CFAP410: variants seen among roughly 807,000 people sequenced by gnomAD.
CFAP410 encodes cilia and flagella associated protein 410.
CFAP410 carries 27 observed loss-of-function variants against 25.7 expected under a neutral mutation model. The observed-to-expected ratio is 1.05, with a 90% CI of 0.77 to 1.45. CFAP410 has a LOEUF of 1.45. CFAP410 is among the 40% of genes most tolerant of loss of function. The pLI is 0.00. For synonymous variants in CFAP410, 178 were observed against 158.4 expected (o/e 1.12, Z -0.93); for missense variants, 428 against 354.1 (o/e 1.21, Z -1.67).
At position 44,331,113 on chromosome 21, in the gene CFAP410, CACTT is replaced by C. The variant is rs1233470522; in HGVS notation, c.546-198_546-195del. The C allele has an allele frequency of 6.6e-6, 4 of 605,698 alleles. No individual in the cohort carries two copies. The African/African-American group carries it at 7.4e-5, about 11-fold the overall frequency. The allele number at this position is 605,698 out of a possible 1,614,324, so 37.5% of individuals were successfully genotyped here. On this transcript the variant is annotated intron_variant, in intron 5 of 6. Coordinates refer to ENST00000339818, the MANE Select transcript of CFAP410 (RefSeq NM_004928.3). ...AGATGGCAGCTCCTGGAGAGCCCGGCACTTACTTCACCTGTGGGGCGCCCTCCCG... is the reference window on the plus strand; with the variant it reads ...AGATGGCAGCTCCTGGAGAGCCCGGCACTTCACCTGTGGGGCGCCCTCCCG...
intron 1 of CFAP410, 45 bp from the exon 2 acceptor site, chr21:44,337,712 TA>T: frequency 1.3e-6 from 2 of 1,561,100 alleles, no homozygotes; most frequent in Non-Finnish European, 1.8e-6. Flanking sequence ...TAAAGTTGAA[TA>T]AAAAACACTG....
At position 44,334,517 on chromosome 21, in the gene CFAP410, ACCCCCCC is replaced by A. The variant is rs199672243; in HGVS notation, c.143+1234_143+1240del. On this transcript the variant is annotated intron_variant, in intron 3 of 6. Transcript: ENST00000339818. ...CCTCAACCTCTGGGCGGGCACGCGCACCCCCCCCCCCCCCCCGCTCAACCTCTGGGCG... is the reference window on the plus strand; with the variant it reads ...CCTCAACCTCTGGGCGGGCACGCGCACCCCCCCCCGCTCAACCTCTGGGCG... 10 of 72,536 alleles carry A rather than the reference ACCCCCCC, an allele frequency of 1.4e-4. 2 individuals carry two copies. The highest frequency in any genetic ancestry group is 5.4e-3 in the Middle Eastern group (1 of 184). The allele number at this position is 72,536 out of a possible 1,614,324, so 4.5% of individuals were successfully genotyped here.
In CFAP410 at chr21:44,339,346, G is replaced by A; in HGVS notation, c.-152C>T. On this transcript the variant is annotated 5_prime_UTR_variant, in exon 1 of 7. Transcript: ENST00000339818. ...GGCTCGGTGAGGAGAGCGGGGCGAC[G>A]CGAGCCCGCTGGGGCCGCTTGGGCG... 1 of 448,806 alleles carries A rather than the reference G, an allele frequency of 2.2e-6. No homozygotes were observed. The highest frequency in any genetic ancestry group is 3.8e-6 in the Non-Finnish European group (1 of 262,332). 27.8% of individuals were successfully genotyped at this position (448,806 alleles called of 1,614,324 possible).
At chr21:44,331,739 C>G in intron 5 of CFAP410, 104 bp downstream of exon 5, 1 of 1,100,318 alleles carries the variant, frequency 9.1e-7, no homozygotes. Flanking sequence ...CCCTGTCCCT[C>G]ACTTCCCAGA....
At chr21:44,332,088 C>T in intron 4 of CFAP410, 74 bp from the exon 5 acceptor site, 2 of 1,300,592 alleles carry the variant, frequency 1.5e-6, no homozygotes, top group Non-Finnish European at 2.1e-6. Flanking sequence ...CAGCTCCCGT[C>T]CTCACTGTGG....
chr21:44,330,735 G>A (rs1409618246), intron 6 of CFAP410, 88 bp downstream of exon 6: 1 of 1,550,104 alleles, frequency 6.5e-7, no homozygotes, highest in Non-Finnish European at 8.7e-7. Context: ...ACGGGGCCCT[G>A]TGAGGCTCCA....
At position 44,333,214 on chromosome 21, in the gene CFAP410, C is replaced by T. The variant is rs202065452; in HGVS notation, c.192G>A (p.Leu64=). ...TLEPVSRCQR[L]SELYLRRNRI... is the part of the protein sequence containing the mutation. ...GGTTCCTCCGCAGGTACAGCTCACT[C>T]AGGCGCTGGCACCGGCTCACAGGCT... The change falls in exon 4 of 7, where the codon CTG becomes CTA. Residue 64 remains leucine (L), a synonymous_variant. Transcript: ENST00000339818. 7 of 1,612,912 alleles carry T rather than the reference C, an allele frequency of 4.3e-6. No homozygotes were observed. In the East Asian group the frequency reaches 1.3e-4, roughly 31 times the overall value.
At chr21:44,337,094 A>AAAG (rs1459182398) in intron 2 of CFAP410, among the ~76,000 whole-genome samples, 1 of 151,420 alleles carries the variant, frequency 6.6e-6, no homozygotes, top group Non-Finnish European at 1.5e-5. Context: ...AAAAAAAAAA[A>AAAG]AAAAAGAAAG....
intron 5 of CFAP410, 191 bp from the exon 6 acceptor site, chr21:44,331,110 C>T (rs556648162): frequency 3.8e-5 from 23 of 609,234 alleles, no homozygotes; most frequent in East Asian, 5.6e-5. Context: ...CTGGAGAGCC[C>T]GGCACTTACT....
rs1276167083 is a variant in CFAP410, at chr21:44,330,815, C to G, written c.642+8G>C. The stretch of plus-strand genomic sequence containing the variant: ...GGCAGCCGCGGCCCCTAGCGGCCCG[C>G]CACTCACCCTGCCCCTGTGGCTGCT... On this transcript the variant is annotated splice_region_variant and intron_variant, in intron 6 of 6. Transcript: ENST00000339818. 1.9e-6 allele frequency: 3 copies of G among 1,591,718 alleles called. No individual in the cohort carries two copies. In the Admixed American group the frequency reaches 5.2e-5, roughly 28 times the overall value.
Position 44,339,243 on chromosome 21 carries a change from G to GGGCGGGTGACGACTGCGC in CFAP410, c.-67_-50dup. 7.9e-7 allele frequency: 1 copy of GGGCGGGTGACGACTGCGC among 1,267,240 alleles called. No individual in the cohort carries two copies. Among genetic ancestry groups the GGGCGGGTGACGACTGCGC allele is most frequent in the Non-Finnish European group, 1.0e-6 (1 of 958,776 alleles). The allele number at this position is 1,267,240 out of a possible 1,614,324, so 78.5% of individuals were successfully genotyped here. A position where few individuals can be genotyped will look rare whatever the true frequency, so the allele number is the denominator to read the frequency against. On this transcript the variant is annotated 5_prime_UTR_variant, in exon 1 of 7. Coordinates refer to ENST00000339818, the MANE Select transcript of CFAP410 (RefSeq NM_004928.3). ...CGGGCGCCCCCGGCCTCCTGATCCC[G>GGGCGGGTGACGACTGCGC]GGCGGGTGACGACTGCGCGGCGCGT...
intron 1 of CFAP410, 24 bp downstream of exon 1, chr21:44,339,094 G>C: frequency 7.2e-7 from 1 of 1,381,788 alleles, no homozygotes; most frequent in Non-Finnish European, 9.5e-7. Flanking sequence ...ACCCCGGGGC[G>C]GCCGCGGCCA....
Position 44,339,269 on chromosome 21 carries a change from G to T in CFAP410, c.-75C>A. On this transcript the variant is annotated 5_prime_UTR_variant, in exon 1 of 7. Transcript: ENST00000339818. The stretch of plus-strand genomic sequence containing the variant: ...GGCGGGTGACGACTGCGCGGCGCGT[G>T]TCTCCAGGGGCGGGGCCCGCGTCGT... 1 of 950,740 alleles carries T rather than the reference G, an allele frequency of 1.1e-6. No homozygotes were observed. 58.9% of individuals were successfully genotyped at this position (950,740 alleles called of 1,614,324 possible). A position where few individuals can be genotyped will look rare whatever the true frequency, so the allele number is the denominator to read the frequency against.
chr21:44,339,088 CG>C (rs2047817947), intron 1 of CFAP410, 29 bp downstream of exon 1: 2 of 1,386,048 alleles, frequency 1.4e-6, no homozygotes, highest in East Asian at 3.1e-5. Flanking sequence ...CCCCCCACCC[CG>C]GGGCGGCCGC....
chr21:44,337,405 G>A (rs533260914), intron 2 of CFAP410, among the ~76,000 whole-genome samples: 1 of 152,334 alleles, frequency 6.6e-6, no homozygotes, highest in African/African-American at 2.4e-5. Context: ...GTGACAAAGG[G>A]TGTTTCATTT....
At chr21:44,334,521 C>CCCCTCAACCCCTGGGCGGGCACGCGCA (rs1568989752) in intron 3 of CFAP410, 5 of 174,868 alleles carry the variant, frequency 2.9e-5, no homozygotes, top group East Asian at 2.7e-4. Context: ...ACGCGCACCC[C>CCCCTCAACCCCTGGGCGGGCACGCGCA]CCCCCCCCCC....
chr21:44,334,786 C>T (rs532209002), intron 3 of CFAP410: 29 of 176,180 alleles, frequency 1.6e-4, no homozygotes, highest in South Asian at 1.4e-3. Flanking sequence ...GGCTGGTGCC[C>T]GCGCTGGGGA....
At chr21:44,333,926 C>G (rs1377070186) in intron 3 of CFAP410, 1 of 360,354 alleles carries the variant, frequency 2.8e-6, no homozygotes, top group Non-Finnish European at 5.5e-6. Context: ...TCGCGTCCGG[C>G]AGGCGCCTCA....
intron 3 of CFAP410, chr21:44,334,096 G>A (rs1249153391): frequency 2.2e-6 from 1 of 456,218 alleles, no homozygotes; most frequent in Admixed American, 2.3e-5. Context: ...CTCTTTCCAG[G>A]ATGGGGTCTG....
Sources: allele counts gnomAD v4.1 joint callset (sites outside exome capture counted in the v4.1 genomes callset), GRCh38; gene constraint gnomAD v4.1.1; transcripts MANE v1.5; gene names NCBI Gene and HGNC (gene_info 2026-07-23, HGNC 2026-07-21).